The following CPLANE1 variants were observed in gnomAD, a reference collection of about 807,000 sequenced individuals.
The protein encoded by CPLANE1 is ciliogenesis and planar polarity effector 1.
CPLANE1 carries 263 observed loss-of-function variants against 362.5 expected under a neutral mutation model. The observed-to-expected ratio is 0.73, with a 90% CI of 0.66 to 0.80. The LOEUF is 0.80. Among genes scored for constraint, CPLANE1 ranks in the 30% least tolerant of loss-of-function variants. The pLI is 0.00. For missense variants in CPLANE1, 3,461 were observed against 3,793.4 expected, an observed-to-expected ratio of 0.91 and a Z score of 2.30; for synonymous variants, 1,212 against 1,302.6, an observed-to-expected ratio of 0.93 and a Z score of 1.50.
chr5:37,115,172 C>T (rs1760567850), intron 50 of CPLANE1, 123 bp from the exon 51 acceptor site: 1 of 686,764 alleles, frequency 1.5e-6, no homozygotes, highest in Non-Finnish European at 2.5e-6. Flanking sequence ...AAGCCCTGTT[C>T]ACAGTAGGGG....
chr5:37,169,407 A>G lies in CPLANE1; in HGVS notation c.6617T>C (p.Val2206Ala). The G allele has an allele frequency of 6.2e-7, 1 of 1,614,222 alleles. No homozygotes were observed. The highest frequency in any genetic ancestry group is 8.5e-7 in the Non-Finnish European group (1 of 1,180,026). Residue 2206 changes from valine (V) to alanine (A), a missense_variant, in exon 34 of 53, where the codon GTT becomes GCT. Val to Ala is a moderately conservative substitution (Grantham distance 64). Coordinates refer to ENST00000651892, the MANE Select transcript of CPLANE1 (RefSeq NM_001384732.1). ...HLYLLSTPSV[V>A]QKAPRLIPHA... ...TGGGATAAGTCTAGGTGCCTTCTGA[A>G]CAACAGAAGGTGTGGACAAAAGGTA...
intron 16 of CPLANE1, chr5:37,211,054 C>A: frequency 1.2e-6 from 1 of 840,668 alleles, no homozygotes; most frequent in South Asian, 1.3e-5. Flanking sequence ...CCAAAGCAGT[C>A]TGTGATCCAT....
Position 37,175,816 on chromosome 5 carries a change from A to T in CPLANE1, c.5978+93T>A, listed in dbSNP as rs960692281. The T allele has an allele frequency of 3.1e-5, 26 of 825,684 alleles. No individual in the cohort carries two copies. The Admixed American group carries it at 5.1e-4, about 16-fold the overall frequency. The allele number at this position is 825,684 out of a possible 1,614,324, so 51.1% of individuals were successfully genotyped here. On this transcript the variant is annotated intron_variant, in intron 31 of 52. Transcript: ENST00000651892. Reference sequence around the variant, plus strand: ...CTTAGTTTTTAGTCAAAATGTAGCAATTGTTTCAAAAATGGTACAGTCGGC... The same window carrying T: ...CTTAGTTTTTAGTCAAAATGTAGCATTTGTTTCAAAAATGGTACAGTCGGC...
Position 37,125,105 on chromosome 5 carries a change from G to A in CPLANE1, c.8958+139C>T, listed in dbSNP as rs1214608930. On this transcript the variant is annotated intron_variant, in intron 47 of 52. Transcript: ENST00000651892. ...TTAAGATAATTTATTAACTTTTCCT[G>A]ACTTAAGTAAAACATTTACTTTTCT... The A allele has an allele frequency of 2.9e-6, 4 of 1,377,534 alleles. No individual in the cohort carries two copies. The East Asian group carries it at 9.5e-5, about 33-fold the overall frequency. 85.3% of individuals were successfully genotyped at this position (1,377,534 alleles called of 1,614,324 possible).
rs114723151 is a variant in CPLANE1, at chr5:37,123,798, T to G, written c.8959-1310A>C. Among the ~76,000 whole-genome samples, 897 of 152,264 alleles carry G rather than the reference T, an allele frequency of 5.9e-3. 11 individuals are homozygous for G. The highest frequency in any genetic ancestry group is 0.02 in the African/African-American group (850 of 41,550). ...ATCATGGGCTCCCAAAGTGCTGGGATTACAGACATGAGCCACTATTCCTAG... is the reference window on the plus strand; with the variant it reads ...ATCATGGGCTCCCAAAGTGCTGGGAGTACAGACATGAGCCACTATTCCTAG... On this transcript the variant is annotated intron_variant, in intron 47 of 52. Transcript: ENST00000651892.
chr5:37,245,862 G>C lies in CPLANE1; in HGVS notation c.82-17C>G. The C allele has an allele frequency of 2.0e-6, 3 of 1,502,762 alleles. No homozygotes were observed. The highest frequency in any genetic ancestry group is 2.7e-6 in the Non-Finnish European group (3 of 1,129,254). The allele number at this position is 1,502,762 out of a possible 1,614,324, so 93.1% of individuals were successfully genotyped here. A position where few individuals can be genotyped will look rare whatever the true frequency, so the allele number is the denominator to read the frequency against. ...TTCTTTTTCCTAAGAGAAGAAACAT[G>C]TGAAGGACTCAAGAGGTGCCAGAAA... On this transcript the variant is annotated splice_polypyrimidine_tract_variant and intron_variant, in intron 2 of 52. Coordinates refer to ENST00000651892, the MANE Select transcript of CPLANE1 (RefSeq NM_001384732.1).
intron 16 of CPLANE1, among the ~76,000 whole-genome samples, chr5:37,207,745 A>G (rs558784619): frequency 6.6e-6 from 1 of 152,294 alleles, no homozygotes; most frequent in South Asian, 2.1e-4. Flanking sequence ...ACTCTAACTT[A>G]GGTGTGCCTT....
At chr5:37,208,682 C>CG (rs1561609080) in intron 16 of CPLANE1, among the ~76,000 whole-genome samples, 2 of 118,044 alleles carry the variant, frequency 1.7e-5, no homozygotes, top group South Asian at 3.2e-4. Flanking sequence ...GTCTCCCCCC[C>CG]CCCCCAAAAA....
At chr5:37,084,883 A>T in the CPLANE1 span, among the ~76,000 whole-genome samples, 2 of 152,066 alleles carry the variant, frequency 1.3e-5, no homozygotes, top group East Asian at 3.9e-4. Context: ...ACACATAAGG[A>T]CTCATATAAA....
intron 1 of CPLANE1, among the ~76,000 whole-genome samples, chr5:37,248,361 C>G (rs1740546938): frequency 6.6e-6 from 1 of 151,096 alleles, no homozygotes; most frequent in Admixed American, 6.6e-5. Flanking sequence ...AACCCCTGAC[C>G]TTGGGTGATC....
Position 37,183,691 on chromosome 5 carries a change from G to A in CPLANE1, c.4490C>T (p.Pro1497Leu). 1 of 1,563,230 alleles carries A rather than the reference G, an allele frequency of 6.4e-7. No individual in the cohort carries two copies. Among genetic ancestry groups the A allele is most frequent in the Non-Finnish European group, 8.6e-7 (1 of 1,160,516 alleles). ...AATTGATGTTAATTCCATGTGATTT[G>A]GGGCATTTCTATAGCAAAAAAATAA... The part of the protein sequence containing the change: ...SRINIYQRNA[P>L]NHMELTSIHK... Residue 1497 changes from proline to leucine, a missense_variant, in exon 26 of 53, where the codon CCA becomes CTA. Pro to Leu is a moderately conservative substitution (Grantham distance 98). Coordinates refer to ENST00000651892, the MANE Select transcript of CPLANE1 (RefSeq NM_001384732.1).
chr5:37,209,755 C>G lies in CPLANE1; in HGVS notation c.2921-3330G>C. The G allele has an allele frequency of 8.2e-7, 1 of 1,223,286 alleles. No individual in the cohort carries two copies. The highest frequency in any genetic ancestry group is 1.2e-6 in the Non-Finnish European group (1 of 826,488). 75.8% of individuals were successfully genotyped at this position (1,223,286 alleles called of 1,614,324 possible). On this transcript the variant is annotated intron_variant, in intron 16 of 52. Coordinates refer to ENST00000651892, the MANE Select transcript of CPLANE1 (RefSeq NM_001384732.1). The surrounding 1 kb of genome is among the most constrained non-coding windows in gnomAD (Gnocchi z 4.6). Reference sequence around the variant, plus strand: ...CTGTACAAATCACTGGTTTCAGGAGCTGATAAAGAAAACCAAAAAGGTTTT... The same window carrying G: ...CTGTACAAATCACTGGTTTCAGGAGGTGATAAAGAAAACCAAAAAGGTTTT...
intron 46 of CPLANE1, among the ~76,000 whole-genome samples, chr5:37,134,131 G>A (rs968133365): frequency 6.6e-6 from 1 of 152,106 alleles, no homozygotes; most frequent in Non-Finnish European, 1.5e-5. Context: ...CCAGGTTTTG[G>A]TATCAGGGTG....
intron 50 of CPLANE1, among the ~76,000 whole-genome samples, chr5:37,119,608 T>C (rs996858146): frequency 6.6e-6 from 1 of 151,770 alleles, no homozygotes; most frequent in Non-Finnish European, 1.5e-5. Flanking sequence ...AGGCAGAGGT[T>C]GCGGTGAGCC....
rs115831977 is a variant in CPLANE1, at chr5:37,109,565, T to C, written c.9401-1094A>G. On this transcript the variant is annotated intron_variant, in intron 51 of 52. Coordinates refer to ENST00000651892, the MANE Select transcript of CPLANE1 (RefSeq NM_001384732.1). ...TTAAAATCCTTGCTTGGATGTGCAA[T>C]AAACATCTGAACTTTAACATGTCCA... Among the ~76,000 whole-genome samples the C allele has an allele frequency of 4.7e-3, 710 of 152,316 alleles. 4 individuals are homozygous for C. The highest frequency in any genetic ancestry group is 0.01 in the Middle Eastern group (3 of 294).
At chr5:37,232,675 A>G (rs1240883968) in intron 8 of CPLANE1, among the ~76,000 whole-genome samples, 2 of 144,806 alleles carry the variant, frequency 1.4e-5, no homozygotes, top group African/African-American at 5.5e-5. Flanking sequence ...TGGCTCTACC[A>G]AAAAAAAACA....
chr5:37,184,346 C>CTG (rs1783425728), intron 25 of CPLANE1, among the ~76,000 whole-genome samples: 1 of 152,054 alleles, frequency 6.6e-6, no homozygotes, highest in Admixed American at 6.6e-5. Context: ...GCCACCTGGG[C>CTG]TGAAAGCATC....
rs749132510 is a variant in CPLANE1 at position 37,153,871 on chromosome 5, C to G, written c.8242G>C (p.Ala2748Pro). Residue 2748 changes from alanine to proline, a missense_variant, in exon 42 of 53, where the codon GCT (alanine) becomes CCT (proline). Physicochemically the swap from Ala to Pro is conservative, Grantham distance 27. Transcript: ENST00000651892. ...SAACPAPSSA[A>P]HQLEHLSAKL... ...GCACTGAGATGCTCTAGTTGGTGAG[C>G]TGCAGAGCTTGGTGCAGGGCAAGCT... 2 of 1,614,120 alleles carry G rather than the reference C, an allele frequency of 1.2e-6. No individual in the cohort carries two copies. Among genetic ancestry groups the G allele is most frequent in the African/African-American group, 1.3e-5 (1 of 75,020 alleles).
chr5:37,138,979 A>C (rs1768757884), intron 45 of CPLANE1, 131 bp from the exon 46 acceptor site: 2 of 774,796 alleles, frequency 2.6e-6, no homozygotes, highest in Non-Finnish European at 3.9e-6. Context: ...TATTTCTGTA[A>C]TTCTAGTATC....
Sources: gnomAD v4.1 joint callset for allele counts (sites outside exome capture counted in the v4.1 genomes callset) on GRCh38, gnomAD v4.1.1 for gene constraint, Gnocchi (gnomAD v3.1) non-coding constraint, MANE v1.5 for transcripts, NCBI Gene and HGNC (gene_info 2026-07-23, HGNC 2026-07-21) for gene names.